Variants in INPP5A observed in about 807,000 individuals in gnomAD.
The protein encoded by INPP5A is 43 kDa inositol polyphosphate 5-phophatase.
In INPP5A, 14 loss-of-function variants were observed where a neutral mutation model predicts 65.2. The observed-to-expected ratio is 0.21, with a 90% CI of 0.14 to 0.34. INPP5A has a LOEUF of 0.34. Ranked by LOEUF, INPP5A falls within the 10% of genes least tolerant of loss-of-function variation. The pLI is 1.00. For synonymous variants in INPP5A, 207 were observed against 208.3 expected, an observed-to-expected ratio of 0.99 and a Z score of 0.05; for missense variants, 431 against 545.6, an observed-to-expected ratio of 0.79 and a Z score of 2.09.
intron 9 of INPP5A, among the ~76,000 whole-genome samples, chr10:132,743,474 G>A (rs1239996671): frequency 6.6e-6 from 1 of 152,234 alleles, no homozygotes; most frequent in Non-Finnish European, 1.5e-5. Context: ...GGGAGTGAGG[G>A]CGAGCCCCTT....
chr10:132,752,562 C>T (rs1426780808), intron 11 of INPP5A, among the ~76,000 whole-genome samples: 7 of 103,046 alleles, frequency 6.8e-5, no homozygotes, highest in African/African-American at 2.7e-4. Flanking sequence ...GGAGGTGTGG[C>T]GTGGAGGGGA....
Position 132,675,554 on chromosome 10 carries a change from G to A in INPP5A, c.307-14838G>A, listed in dbSNP as rs982209001. Among the ~76,000 whole-genome samples the A allele has an allele frequency of 6.6e-6, 1 of 152,182 alleles. No homozygotes were observed. Among genetic ancestry groups the A allele is most frequent in the African/African-American group, 2.4e-5 (1 of 41,444 alleles). ...GTTGAGCATGGGGGTGGGTGCGTGT[G>A]GAGTGAGCGTTCCAGGGGCCTTGCC... On this transcript the variant is annotated intron_variant, in intron 4 of 15. Coordinates refer to ENST00000368594, the MANE Select transcript of INPP5A (RefSeq NM_005539.5). This position sits in a 1 kb window ranked among gnomAD's most constrained non-coding sequence, Gnocchi z 4.2.
chr10:132,576,061 C>G (rs1360511769), intron 1 of INPP5A, among the ~76,000 whole-genome samples: 3 of 152,186 alleles, frequency 2.0e-5, no homozygotes, highest in Admixed American at 6.5e-5. Flanking sequence ...GCTGTAGCTC[C>G]TTGGTGACCA....
chr10:132,764,347 C>T (rs1846790826), intron 11 of INPP5A, among the ~76,000 whole-genome samples: 1 of 151,944 alleles, frequency 6.6e-6, no homozygotes, highest in Admixed American at 6.6e-5. Flanking sequence ...TGCATGGTGA[C>T]CGCACAGGAA....
chr10:132,758,306 G>C (rs1374418021), intron 11 of INPP5A, among the ~76,000 whole-genome samples: 3 of 119,754 alleles, frequency 2.5e-5, no homozygotes, highest in Non-Finnish European at 5.6e-5. Flanking sequence ...CGATGTTGTG[G>C]GTCCCTGGCT....
At chr10:132,596,893 G>A (rs2071700260) in intron 1 of INPP5A, among the ~76,000 whole-genome samples, 1 of 145,666 alleles carries the variant, frequency 6.9e-6, no homozygotes, top group African/African-American at 2.5e-5. Flanking sequence ...ACGTGTGTTT[G>A]GAGGCTCCTG....
intron 9 of INPP5A, among the ~76,000 whole-genome samples, chr10:132,747,110 G>GAATT (rs1437554264): frequency 6.9e-4 from 105 of 152,346 alleles, no homozygotes; most frequent in African/African-American, 2.4e-3. Flanking sequence ...CCTGAGCCGC[G>GAATT]TCCTGGGATG....
In INPP5A at chr10:132,551,024, A is replaced by T. The variant is rs1453092086; in HGVS notation, c.75+12853A>T. ...CCTGAAAGGGGCTGCACTGTGGTCCATTTGGGCCAGTGGCTTCAGTAGCCA... is the reference window on the plus strand; with the variant it reads ...CCTGAAAGGGGCTGCACTGTGGTCCTTTTGGGCCAGTGGCTTCAGTAGCCA... On this transcript the variant is annotated intron_variant, in intron 1 of 15. Coordinates refer to ENST00000368594, the MANE Select transcript of INPP5A (RefSeq NM_005539.5). The surrounding 1 kb of genome is among the most constrained non-coding windows in gnomAD (Gnocchi z 5.3). Among the ~76,000 whole-genome samples the T allele has an allele frequency of 6.6e-6, 1 of 152,174 alleles. No homozygotes were observed. The highest frequency in any genetic ancestry group is 2.4e-5 in the African/African-American group (1 of 41,430).
rs560836900 is a variant in INPP5A at position 132,705,328 on chromosome 10, G to T, written c.475-2985G>T. On this transcript the variant is annotated intron_variant, in intron 6 of 15. Transcript: ENST00000368594. This position sits in a 1 kb window ranked among gnomAD's most constrained non-coding sequence, Gnocchi z 4.9. ...AGGGAGCCTGCCACCCCGCCACCCC[G>T]CCATAGAGCTCCCTGGGTCGTCTGG... Among the ~76,000 whole-genome samples the T allele has an allele frequency of 1.7e-3, 253 of 152,314 alleles. 3 individuals are homozygous for T. The highest frequency in any genetic ancestry group is 5.5e-3 in the African/African-American group (228 of 41,572).
intron 2 of INPP5A, among the ~76,000 whole-genome samples, chr10:132,610,666 C>T (rs370263910): frequency 6.6e-6 from 1 of 152,234 alleles, no homozygotes; most frequent in Non-Finnish European, 1.5e-5. Context: ...AGTGCTGGGT[C>T]GGCTGGGCCC....
chr10:132,565,430 C>T (rs2071259975), intron 1 of INPP5A, among the ~76,000 whole-genome samples: 1 of 152,234 alleles, frequency 6.6e-6, no homozygotes, highest in Admixed American at 6.5e-5. Context: ...CACCTCAACA[C>T]AACCTTCCCA....
intron 4 of INPP5A, among the ~76,000 whole-genome samples, chr10:132,655,861 C>T (rs1026894456): frequency 1.3e-5 from 2 of 152,262 alleles, no homozygotes; most frequent in African/African-American, 4.8e-5. Context: ...ACCCGCCCCT[C>T]CCAGAGAGGC....
intron 1 of INPP5A, among the ~76,000 whole-genome samples, chr10:132,563,133 AT>A (rs1211531622): frequency 6.6e-6 from 1 of 152,202 alleles, no homozygotes; most frequent in African/African-American, 2.4e-5. Flanking sequence ...AGAGACTGAC[AT>A]TCTGTTCAGA....
rs534839627 is a variant in INPP5A, at chr10:132,627,434, G to A, written c.118-18434G>A. Among the ~76,000 whole-genome samples, 2 of 152,268 alleles carry A rather than the reference G, an allele frequency of 1.3e-5. No individual in the cohort carries two copies. The highest frequency in any genetic ancestry group is 2.1e-4 in the South Asian group (1 of 4,824). ...GGGTCTGGAGGGCGGTGGGGCTGGC[G>A]GTGCTGGGCGCGGCTCCCAAGATGC... On this transcript the variant is annotated intron_variant, in intron 2 of 15. Transcript: ENST00000368594. This position sits in a 1 kb window ranked among gnomAD's most constrained non-coding sequence, Gnocchi z 6.6.
intron 2 of INPP5A, among the ~76,000 whole-genome samples, chr10:132,615,410 A>C (rs1259958584): frequency 6.6e-6 from 1 of 152,094 alleles, no homozygotes; most frequent in Non-Finnish European, 1.5e-5. Context: ...TTCACACGTG[A>C]CTTTTCTGGC....
rs112636322 is a variant in INPP5A, at chr10:132,662,252, G to A, written c.306+11747G>A. Among the ~76,000 whole-genome samples, 115 of 152,232 alleles carry A rather than the reference G, an allele frequency of 7.6e-4. 1 individual carries two copies. The highest frequency in any genetic ancestry group is 2.5e-3 in the African/African-American group (104 of 41,522). On this transcript the variant is annotated intron_variant, in intron 4 of 15. Transcript: ENST00000368594. ...AAAACATGGAGGTCTTAAAAAAAACGTTGAAAATACACACACCGTATCACC... is the reference window on the plus strand; with the variant it reads ...AAAACATGGAGGTCTTAAAAAAAACATTGAAAATACACACACCGTATCACC...
intron 4 of INPP5A, among the ~76,000 whole-genome samples, chr10:132,673,246 A>G (rs7079666): frequency 0.9 from 136,502 of 152,196 alleles, 61,272 homozygotes; most frequent in East Asian, 1. Flanking sequence ...CGGTGGCAGC[A>G]TTCTTCCCTC....
At chr10:132,774,642 T>C (rs1847013799) in intron 12 of INPP5A, among the ~76,000 whole-genome samples, 1 of 152,014 alleles carries the variant, frequency 6.6e-6, no homozygotes, top group East Asian at 2.0e-4. Flanking sequence ...CTTTTAAGCT[T>C]GTTGTCTGCT....
chr10:132,736,148 G>A (rs1247282412), intron 9 of INPP5A, among the ~76,000 whole-genome samples: 5 of 152,356 alleles, frequency 3.3e-5, no homozygotes, highest in South Asian at 2.1e-4. Flanking sequence ...TGAGAGGGCC[G>A]TGCGTCCTCA....
Sources: gnomAD v4.1 joint callset for allele counts (sites outside exome capture counted in the v4.1 genomes callset) on GRCh38, gnomAD v4.1.1 for gene constraint, Gnocchi (gnomAD v3.1) non-coding constraint, MANE v1.5 for transcripts, NCBI Gene and HGNC (gene_info 2026-07-23, HGNC 2026-07-21) for gene names.